Variants in ICE1 observed in about 807,000 individuals in gnomAD.
ICE1 encodes the protein interactor of little elongation complex ELL subunit 1, also known as little elongation complex subunit 1.
In ICE1, 64 loss-of-function variants were observed where a neutral mutation model predicts 192.7. The observed-to-expected ratio is 0.33, with a 90% CI of 0.27 to 0.41. ICE1 has a LOEUF of 0.41. Among genes scored for constraint, ICE1 ranks in the 10% least tolerant of loss-of-function variants. ICE1 has a pLI of 1.00. For missense variants in ICE1, 2,708 were observed against 2,696.0 expected, an observed-to-expected ratio of 1.00 and a Z score of -0.10; for synonymous variants, 1,010 against 984.5, an observed-to-expected ratio of 1.03 and a Z score of -0.49.
intron 1 of ICE1, among the ~76,000 whole-genome samples, chr5:5,431,629 G>A (rs1737713929): frequency 6.6e-6 from 1 of 152,158 alleles, no homozygotes; most frequent in Non-Finnish European, 1.5e-5. Flanking sequence ...GTTGAAGTCT[G>A]AAGCCATTCT....
At chr5:5,480,401 C>G (rs11956911) in intron 17 of ICE1, among the ~76,000 whole-genome samples, 9,428 of 151,924 alleles carry the variant, frequency 0.062, 963 homozygotes, top group African/African-American at 0.22. Context: ...AGGCGCCCGC[C>G]ACCACGCCCG....
rs1162565074 is a variant in ICE1 at position 5,489,307 on chromosome 5, C to T, written c.6778C>T (p.Leu2260=). 1.9e-6 allele frequency: 3 copies of T among 1,612,648 alleles called. No homozygotes were observed. Among genetic ancestry groups the T allele is most frequent in the African/African-American group, 1.3e-5 (1 of 74,980 alleles). The change falls in exon 19 of 19, where the codon CTG becomes TTG. Residue 2260 remains leucine, a synonymous_variant. Transcript: ENST00000296564. Reference sequence around the variant, plus strand: ...CAGCTGCCTAGAGGAAGTCAGTGCCCTGAGCACAGAGGAGCTTGGCTGACC... The same window carrying T: ...CAGCTGCCTAGAGGAAGTCAGTGCCTTGAGCACAGAGGAGCTTGGCTGACC... The part of the protein sequence containing the change: ...IVSCLEEVSA[L]STEELG
intron 1 of ICE1, among the ~76,000 whole-genome samples, chr5:5,431,826 G>A (rs752799916): frequency 4.6e-5 from 7 of 151,738 alleles, no homozygotes; most frequent in Admixed American, 1.3e-4. Flanking sequence ...AACTTTTCTT[G>A]AATACCAGTA....
rs1738628809 is a variant in ICE1 at position 5,457,665 on chromosome 5, C to T, written c.1025C>T (p.Pro342Leu). The T allele has an allele frequency of 1.2e-6, 2 of 1,613,820 alleles. No homozygotes were observed. Among genetic ancestry groups the T allele is most frequent in the Non-Finnish European group, 1.7e-6 (2 of 1,179,878 alleles). ...ATTGACTTCTTCAAACTTCCCCCTC[C>T]TCTTCTGTCACCAGTGCCCTCGCCC... ...AAIDFFKLPP[P>L]LLSPVPSPPP... is the part of the protein sequence containing the mutation. Residue 342 changes from proline (P) to leucine (L), a missense_variant, in exon 12 of 19, where the codon CCT (proline) becomes CTT (leucine). Pro to Leu is a moderately conservative substitution (Grantham distance 98). Coordinates refer to ENST00000296564, the MANE Select transcript of ICE1 (RefSeq NM_015325.3).
intron 7 of ICE1, 130 bp from the exon 8 acceptor site, chr5:5,447,297 A>G (rs987114660): frequency 3.1e-5 from 20 of 651,996 alleles, no homozygotes; most frequent in Admixed American, 2.0e-4. Flanking sequence ...ATGGCTTTTT[A>G]CGAAATTTAT....
chr5:5,483,711 A>G (rs2111406579), intron 17 of ICE1, among the ~76,000 whole-genome samples: 1 of 152,256 alleles, frequency 6.6e-6, no homozygotes, highest in South Asian at 2.1e-4. Flanking sequence ...TTTCTGCCCC[A>G]AAGAGCTTAT....
At position 5,444,196 on chromosome 5, in the gene ICE1, T is replaced by C. The variant is rs555428170; in HGVS notation, c.387-93T>C. 3.3e-5 allele frequency: 25 copies of C among 767,210 alleles called. No homozygotes were observed. The South Asian group carries it at 3.8e-4, about 12-fold the overall frequency. The allele number at this position is 767,210 out of a possible 1,614,324, so 47.5% of individuals were successfully genotyped here. On this transcript the variant is annotated intron_variant, in intron 6 of 18. Transcript: ENST00000296564. ...GACTGAACATTTGTTATACAAATATTTGTAATTTAAAAAATATGTGCCACA... is the reference window on the plus strand; with the variant it reads ...GACTGAACATTTGTTATACAAATATCTGTAATTTAAAAAATATGTGCCACA...
intron 6 of ICE1, 62 bp downstream of exon 6, chr5:5,443,306 A>T: frequency 3.3e-6 from 3 of 914,446 alleles, no homozygotes; most frequent in Admixed American, 3.5e-5. Context: ...CGTAATTCTT[A>T]AGTCGGTAGT....
chr5:5,465,214 C>A lies in ICE1; in HGVS notation c.5880C>A (p.Ser1960Arg), dbSNP rs768701610. 6.4e-7 allele frequency: 1 copy of A among 1,568,872 alleles called. No individual in the cohort carries two copies. The highest frequency in any genetic ancestry group is 8.6e-7 in the Non-Finnish European group (1 of 1,156,522). ...DQEKEVVYEF[S>R]TTKKHLAECL... The stretch of plus-strand genomic sequence containing the variant: ...AGAAGGAAGTTGTTTATGAATTTAG[C>A]ACAACAAAAAAGGTATGTGGCTGCT... The change falls in exon 13 of 19, where the codon AGC becomes AGA. Residue 1960 changes from serine to arginine, a missense_variant. By Grantham distance (110) the Ser-to-Arg change is moderately radical. Around this residue, in one of 2 missense-constraint regions of ICE1, gnomAD observed 342 missense variants for 419.3 expected, o/e 0.82. Transcript: ENST00000296564.
intron 1 of ICE1, among the ~76,000 whole-genome samples, chr5:5,432,517 A>G (rs1737747140): frequency 6.6e-6 from 1 of 152,128 alleles, no homozygotes; most frequent in Admixed American, 6.5e-5. Flanking sequence ...CGTGGACTCT[A>G]TTTTCAGTTC....
rs1454457346 is a variant in ICE1 at position 5,441,093 on chromosome 5, G to A, written c.198-19G>A. ...GTTATAGATCCTTTTCTGTAATAATGTTAATTCATTGTCTTTAGAGAGAAT... is the reference window on the plus strand; with the variant it reads ...GTTATAGATCCTTTTCTGTAATAATATTAATTCATTGTCTTTAGAGAGAAT... On this transcript the variant is annotated intron_variant, in intron 4 of 18. Coordinates refer to ENST00000296564, the MANE Select transcript of ICE1 (RefSeq NM_015325.3). The A allele has an allele frequency of 7.3e-7, 1 of 1,378,206 alleles. No individual in the cohort carries two copies. Among genetic ancestry groups the A allele is most frequent in the South Asian group, 1.3e-5 (1 of 79,560 alleles). The allele number at this position is 1,378,206 out of a possible 1,614,324, so 85.4% of individuals were successfully genotyped here. A position where few individuals can be genotyped will look rare whatever the true frequency, so the allele number is the denominator to read the frequency against.
At position 5,447,864 on chromosome 5, in the gene ICE1, A is replaced by G; in HGVS notation, c.571A>G (p.Ile191Val). 1 of 1,578,026 alleles carries G rather than the reference A, an allele frequency of 6.3e-7. No homozygotes were observed. Among genetic ancestry groups the G allele is most frequent in the East Asian group, 2.3e-5 (1 of 43,752 alleles). ...EKELRHIGTQ[I>V]SSDSYGSIDK... The stretch of plus-strand genomic sequence containing the variant: ...AGAGTTGAGACATATTGGAACACAA[A>G]TTTCAAGTGATTCATATGGAAGCAT... The change falls in exon 10 of 19, where the codon ATT becomes GTT. Residue 191 changes from isoleucine to valine, a missense_variant. Physicochemically the swap from Ile to Val is conservative, Grantham distance 29. Around this residue, in one of 2 missense-constraint regions of ICE1, gnomAD observed 2,366 missense variants for 2,276.6 expected, o/e 1.04. Transcript: ENST00000296564.
Position 5,462,577 on chromosome 5 carries a change from GAC to G in ICE1, c.3247_3248del (p.Gln1083GlyfsTer6). 1 of 1,613,992 alleles carries G rather than the reference GAC, an allele frequency of 6.2e-7. No individual in the cohort carries two copies. The highest frequency in any genetic ancestry group is 8.5e-7 in the Non-Finnish European group (1 of 1,179,894). On this transcript the variant is annotated frameshift_variant, in exon 13 of 19. Coordinates refer to ENST00000296564, the MANE Select transcript of ICE1 (RefSeq NM_015325.3). LOFTEE classifies it high-confidence loss of function. ...CAGCATTTTGCAGAAAACATGGAGA[GAC>G]ACAGGATACCTCCCAAAGTAGCCTG... is the stretch of plus-strand genomic sequence containing the variant. Reference protein sequence around the residue: ...SSAFCRKHGETQDTSQSSLPG... With the variant: ...SSAFCRKHGEXQDTSQSSLPG...
chr5:5,446,581 G>C lies in ICE1; in HGVS notation c.425-846G>C, dbSNP rs574918702. Among the ~76,000 whole-genome samples, 3 of 152,262 alleles carry C rather than the reference G, an allele frequency of 2.0e-5. No homozygotes were observed. The East Asian group carries it at 5.8e-4, about 29-fold the overall frequency. ...GATCACAGTCGTGAGCCACTGCAAG[G>C]AAACATCTTTAAAGAAATCTGAAGT... On this transcript the variant is annotated intron_variant, in intron 7 of 18. Coordinates refer to ENST00000296564, the MANE Select transcript of ICE1 (RefSeq NM_015325.3).
chr5:5,434,571 A>G (rs1169221245), intron 1 of ICE1, among the ~76,000 whole-genome samples: 2 of 152,206 alleles, frequency 1.3e-5, no homozygotes, highest in African/African-American at 4.8e-5. Context: ...TTAAGAACCA[A>G]TTAGGAAATG....
At chr5:5,441,856 T>G (rs1299411519) in intron 5 of ICE1, among the ~76,000 whole-genome samples, 2 of 152,214 alleles carry the variant, frequency 1.3e-5, no homozygotes, top group Non-Finnish European at 2.9e-5. Context: ...TCATGTATAG[T>G]CTCTTGTGGT....
intron 10 of ICE1, 94 bp downstream of exon 10, chr5:5,447,991 C>T (rs1738291323): frequency 1.1e-6 from 1 of 928,890 alleles, no homozygotes; most frequent in Non-Finnish European, 1.6e-6. Context: ...GTGAAAGTGC[C>T]AGGGCTTAGT....
At chr5:5,483,708 C>G (rs1213487368) in intron 17 of ICE1, among the ~76,000 whole-genome samples, 3 of 152,102 alleles carry the variant, frequency 2.0e-5, no homozygotes, top group Non-Finnish European at 2.9e-5. Context: ...ACCTTTCTGC[C>G]CCAAAGAGCT....
intron 1 of ICE1, among the ~76,000 whole-genome samples, chr5:5,433,910 A>G (rs1242533946): frequency 6.6e-6 from 1 of 152,106 alleles, no homozygotes; most frequent in African/African-American, 2.4e-5. Flanking sequence ...CAAAAATGGT[A>G]TAGGCATATC....
Sources: allele counts gnomAD v4.1 joint callset (sites outside exome capture counted in the v4.1 genomes callset), GRCh38; gene constraint gnomAD v4.1.1; regional missense constraint gnomAD v4.1.1; transcripts MANE v1.5; gene names NCBI Gene and HGNC (gene_info 2026-07-23, HGNC 2026-07-21).